The following GATAD1 variants were observed in gnomAD, a reference collection of about 807,000 sequenced individuals.
GATAD1 encodes GATA zinc finger domain-containing protein 1.
A neutral mutation model predicts 26.5 loss-of-function variants in GATAD1; 12 were observed. The ratio of observed to expected loss-of-function variants is 0.45; its 90% CI spans 0.29 to 0.73. The LOEUF (loss-of-function observed/expected upper bound fraction) is 0.73. Among genes scored for constraint, GATAD1 ranks in the 30% least tolerant of loss-of-function variants. The pLI is 0.10. For synonymous variants in GATAD1, 129 were observed against 133.1 expected, an observed-to-expected ratio of 0.97 and a Z score of 0.21; for missense variants, 266 against 342.1, an observed-to-expected ratio of 0.78 and a Z score of 1.75.
Position 92,447,572 on chromosome 7 carries a change from GC to G in GATAD1, c.-157del. 6 of 991,392 alleles carry G rather than the reference GC, an allele frequency of 6.1e-6. No individual in the cohort carries two copies. Among genetic ancestry groups the G allele is most frequent in the Non-Finnish European group, 8.0e-6 (6 of 753,996 alleles). 61.4% of individuals were successfully genotyped at this position (991,392 alleles called of 1,614,324 possible). ...GGAACCCGCTTCCCGCCTCCACGGG[GC>G]AGCGCCAGCGGCCTGGTCCTTTCAC... On this transcript the variant is annotated 5_prime_UTR_variant, in exon 1 of 5. Coordinates refer to ENST00000287957, the MANE Select transcript of GATAD1 (RefSeq NM_021167.5).
At chr7:92,468,784 T>G in the GATAD1 span, 1 of 744,222 alleles carries the variant, frequency 1.3e-6, no homozygotes, top group African/African-American at 1.7e-5. Flanking sequence ...TCCTGCTGAA[T>G]TGGGGCGTAG....
At chr7:92,452,634 C>T (rs1789486979) in intron 3 of GATAD1, among the ~76,000 whole-genome samples, 2 of 152,232 alleles carry the variant, frequency 1.3e-5, no homozygotes, top group Admixed American at 1.3e-4. Flanking sequence ...TGAATCCTCT[C>T]AGCAAATGAG....
At chr7:92,487,190 C>G in the GATAD1 span, 1 of 229,352 alleles carries the variant, frequency 4.4e-6, no homozygotes, top group Non-Finnish European at 8.4e-6. Flanking sequence ...ATTAGTTCCA[C>G]CATTTGGCTA....
chr7:92,485,815 T>C, the GATAD1 span, among the ~76,000 whole-genome samples: 1 of 152,210 alleles, frequency 6.6e-6, no homozygotes, highest in African/African-American at 2.4e-5. Flanking sequence ...AAATCTATGC[T>C]GATTCACAGA....
At chr7:92,452,245 G>A (rs1789468461) in intron 3 of GATAD1, among the ~76,000 whole-genome samples, 1 of 152,190 alleles carries the variant, frequency 6.6e-6, no homozygotes, top group Non-Finnish European at 1.5e-5. Context: ...TATTGTGACT[G>A]TCTGTACTTT....
At chr7:92,469,640 T>G in the GATAD1 span, 1 of 764,510 alleles carries the variant, frequency 1.3e-6, no homozygotes, top group Non-Finnish European at 2.4e-6. Flanking sequence ...CATTGGGAGT[T>G]GGTTGTGTAT....
the GATAD1 span, among the ~76,000 whole-genome samples, chr7:92,485,709 T>C: frequency 6.6e-6 from 1 of 152,318 alleles, no homozygotes; most frequent in East Asian, 1.9e-4. Context: ...GGAGTAGCCC[T>C]TACAAACAGT....
chr7:92,488,974 TC>T, the GATAD1 span, among the ~76,000 whole-genome samples: 1 of 152,200 alleles, frequency 6.6e-6, no homozygotes, highest in African/African-American at 2.4e-5. Flanking sequence ...CCTCAGGTGA[TC>T]CACCTGCCTT....
At chr7:92,490,821 C>CT in the GATAD1 span, among the ~76,000 whole-genome samples, 1 of 152,270 alleles carries the variant, frequency 6.6e-6, no homozygotes, top group East Asian at 1.9e-4. Flanking sequence ...AATCAAAACA[C>CT]TTTCCTGTTG....
rs537626577 is a variant in GATAD1 at position 92,458,921 on chromosome 7, G to A, written c.*2359G>A. ...TGGTATTTAAAACCAAAACAGTATCGTACTTAGAATTTGGAGTAGAGGCCG... is the reference window on the plus strand; with the variant it reads ...TGGTATTTAAAACCAAAACAGTATCATACTTAGAATTTGGAGTAGAGGCCG... On this transcript the variant is annotated 3_prime_UTR_variant, in exon 5 of 5. Coordinates refer to ENST00000287957, the MANE Select transcript of GATAD1 (RefSeq NM_021167.5). The A allele has an allele frequency of 6.6e-6, 1 of 152,136 alleles. No homozygotes were observed. The highest frequency in any genetic ancestry group is 6.5e-5 in the Admixed American group (1 of 15,274). The allele number at this position is 152,136 out of a possible 1,614,324, so 9.4% of individuals were successfully genotyped here. A position where few individuals can be genotyped will look rare whatever the true frequency, so the allele number is the denominator to read the frequency against.
chr7:92,493,919 A>G, the GATAD1 span: 4 of 271,576 alleles, frequency 1.5e-5, no homozygotes, highest in African/African-American at 2.2e-5. Flanking sequence ...AATTATCTCT[A>G]TGAAACCTGC....
chr7:92,471,119 T>G, the GATAD1 span: 3 of 166,646 alleles, frequency 1.8e-5, no homozygotes, highest in African/African-American at 7.2e-5. Context: ...CTAGTGCCTT[T>G]ATTACCTCTT....
the GATAD1 span, among the ~76,000 whole-genome samples, chr7:92,483,082 GAGTC>G: frequency 8.1e-4 from 123 of 152,336 alleles, no homozygotes; most frequent in Non-Finnish European, 1.3e-3. Context: ...ATCTGGGAAG[GAGTC>G]AGTCAGAGAG....
At chr7:92,448,666 G>A in intron 1 of GATAD1, 86 bp from the exon 2 acceptor site, 1 of 1,026,358 alleles carries the variant, frequency 9.7e-7, no homozygotes, top group South Asian at 1.3e-5. Context: ...TACATACTCT[G>A]GGATCCTTGT....
intron 3 of GATAD1, among the ~76,000 whole-genome samples, chr7:92,453,302 A>G (rs954306790): frequency 6.6e-6 from 1 of 152,260 alleles, no homozygotes; most frequent in Non-Finnish European, 1.5e-5. Flanking sequence ...ACCAAGAACT[A>G]TACCCACTTA....
chr7:92,477,083 C>T, the GATAD1 span, among the ~76,000 whole-genome samples: 2 of 152,200 alleles, frequency 1.3e-5, no homozygotes, highest in African/African-American at 4.8e-5. Flanking sequence ...CTTCTGGCTA[C>T]ACCATGATCT....
At chr7:92,470,427 G>A in the GATAD1 span, 1 of 643,612 alleles carries the variant, frequency 1.6e-6, no homozygotes, top group Admixed American at 2.8e-5. Context: ...GTTGTTTGAA[G>A]AGCAGGCGCA....
the GATAD1 span, among the ~76,000 whole-genome samples, chr7:92,467,410 A>G: frequency 2.0e-3 from 309 of 152,368 alleles, 1 homozygote; most frequent in Middle Eastern, 0.014. Flanking sequence ...GAGGGGAGGA[A>G]AATTTCTTGC....
chr7:92,487,318 A>T, the GATAD1 span: 3 of 582,506 alleles, frequency 5.2e-6, no homozygotes, highest in Admixed American at 9.3e-5. Context: ...TAATTATAGC[A>T]TTTACCAATC....
Sources: allele counts gnomAD v4.1 joint callset (sites outside exome capture counted in the v4.1 genomes callset), GRCh38; gene constraint gnomAD v4.1.1; transcripts MANE v1.5; gene names NCBI Gene and HGNC (gene_info 2026-07-23, HGNC 2026-07-21).